The following KCNQ5 variants were observed in gnomAD, a reference collection of about 807,000 sequenced individuals.
KCNQ5 encodes potassium voltage-gated channel subfamily Q member 5.
In KCNQ5, 30 loss-of-function variants were observed where a neutral mutation model predicts 98.2. The ratio of observed to expected loss-of-function variants is 0.31; its 90% CI spans 0.23 to 0.41. The LOEUF is 0.41. KCNQ5 is among the 10% of genes least tolerant of loss of function. KCNQ5 has a pLI of 1.00. For missense variants in KCNQ5, 835 were observed against 1,182.5 expected, an observed-to-expected ratio of 0.71 and a Z score of 4.31; for synonymous variants, 458 against 449.4, an observed-to-expected ratio of 1.02 and a Z score of -0.24.
intron 1 of KCNQ5, among the ~76,000 whole-genome samples, chr6:72,664,342 A>G (rs1766681367): frequency 6.6e-6 from 1 of 152,216 alleles, no homozygotes; most frequent in Non-Finnish European, 1.5e-5. Context: ...TTAATGAAAT[A>G]TAATTTTAGT....
intron 3 of KCNQ5, among the ~76,000 whole-genome samples, chr6:73,046,906 G>A (rs372542597): frequency 1.3e-5 from 2 of 152,134 alleles, no homozygotes; most frequent in African/African-American, 4.8e-5. Flanking sequence ...GCGTCCCAAA[G>A]TGCTGGTATT....
intron 1 of KCNQ5, among the ~76,000 whole-genome samples, chr6:72,995,867 A>G (rs926499044): frequency 6.6e-6 from 1 of 152,270 alleles, no homozygotes; most frequent in Non-Finnish European, 1.5e-5. Context: ...TTTAAAAAAA[A>G]TGCAACTTTA....
intron 1 of KCNQ5, among the ~76,000 whole-genome samples, chr6:72,765,810 AT>A (rs1041086781): frequency 5.9e-5 from 9 of 152,148 alleles, no homozygotes; most frequent in African/African-American, 1.9e-4. Context: ...CTCTATGGTG[AT>A]TAGACTGTAG....
At chr6:72,678,871 T>G (rs1198153024) in intron 1 of KCNQ5, among the ~76,000 whole-genome samples, 1 of 152,112 alleles carries the variant, frequency 6.6e-6, no homozygotes, top group African/African-American at 2.4e-5. Flanking sequence ...TTCCAAAAAC[T>G]AAAATAAAAA....
At chr6:73,006,081 A>G (rs1769798920) in intron 2 of KCNQ5, among the ~76,000 whole-genome samples, 1 of 152,220 alleles carries the variant, frequency 6.6e-6, no homozygotes, top group Admixed American at 6.5e-5. Context: ...ATTTTTCACA[A>G]TGAGTTAACA....
intron 1 of KCNQ5, among the ~76,000 whole-genome samples, chr6:72,858,280 A>C (rs2150150042): frequency 6.6e-6 from 1 of 152,264 alleles, no homozygotes; most frequent in Non-Finnish European, 1.5e-5. Context: ...ATTTCTATGA[A>C]AATATATGTG....
chr6:72,722,849 CTTT>C (rs539617196), intron 1 of KCNQ5, among the ~76,000 whole-genome samples: 3 of 126,282 alleles, frequency 2.4e-5, no homozygotes, highest in Non-Finnish European at 1.6e-5. Context: ...GTTTGGTTGA[CTTT>C]TTTTTTTTTT....
chr6:72,917,994 G>T (rs982721652), intron 1 of KCNQ5, among the ~76,000 whole-genome samples: 1 of 152,094 alleles, frequency 6.6e-6, no homozygotes, highest in African/African-American at 2.4e-5. Flanking sequence ...CCCACTAGAC[G>T]CAATAGCACC....
At chr6:73,167,471 C>T (rs972153627) in intron 10 of KCNQ5, among the ~76,000 whole-genome samples, 2 of 152,190 alleles carry the variant, frequency 1.3e-5, no homozygotes, top group Admixed American at 6.5e-5. Flanking sequence ...TTACTAGCTC[C>T]GCTTGCCACC....
At chr6:73,060,286 TGG>T (rs1382790428) in intron 3 of KCNQ5, among the ~76,000 whole-genome samples, 2 of 152,142 alleles carry the variant, frequency 1.3e-5, no homozygotes, top group African/African-American at 4.8e-5. Flanking sequence ...CAACCCTGTG[TGG>T]CCAAAATATA....
chr6:72,826,968 C>T (rs1420956430), intron 1 of KCNQ5, among the ~76,000 whole-genome samples: 1 of 152,120 alleles, frequency 6.6e-6, no homozygotes, highest in Non-Finnish European at 1.5e-5. Context: ...TGGGTGAGAA[C>T]ATGTGGTGTT....
At chr6:73,136,489 A>C (rs1329866793) in intron 10 of KCNQ5, 1 of 152,224 alleles carries the variant, frequency 6.6e-6, no homozygotes, top group Non-Finnish European at 1.5e-5. Context: ...TCTATTTTCT[A>C]GGTCATTTCA....
chr6:72,875,006 A>G (rs1778354243), intron 1 of KCNQ5, among the ~76,000 whole-genome samples: 1 of 152,152 alleles, frequency 6.6e-6, no homozygotes, highest in African/African-American at 2.4e-5. Context: ...TTGCCTGAAA[A>G]TCCTACAGCA....
intron 5 of KCNQ5, among the ~76,000 whole-genome samples, chr6:73,096,351 A>AAG (rs1021267791): frequency 2.0e-5 from 3 of 151,486 alleles, no homozygotes; most frequent in Non-Finnish European, 4.4e-5. Context: ...AAAAAAAAAA[A>AAG]AAGAGCTTGG....
At chr6:72,927,273 A>C (rs1765470215) in intron 1 of KCNQ5, among the ~76,000 whole-genome samples, 1 of 152,180 alleles carries the variant, frequency 6.6e-6, no homozygotes, top group Non-Finnish European at 1.5e-5. Context: ...CCTTGGACTA[A>C]GTCCCACTGA....
chr6:73,071,758 A>G (rs1267370562), intron 3 of KCNQ5, among the ~76,000 whole-genome samples: 1 of 152,198 alleles, frequency 6.6e-6, no homozygotes, highest in African/African-American at 2.4e-5. Flanking sequence ...GCCATTCATG[A>G]GCGATCCTCC....
At chr6:72,789,033 A>T (rs1773897069) in intron 1 of KCNQ5, among the ~76,000 whole-genome samples, 1 of 152,160 alleles carries the variant, frequency 6.6e-6, no homozygotes, top group Non-Finnish European at 1.5e-5. Context: ...TCCAAACCAT[A>T]CTTTCTGATG....
intron 1 of KCNQ5, among the ~76,000 whole-genome samples, chr6:72,728,989 AT>A (rs1303818449): frequency 6.6e-6 from 1 of 152,108 alleles, no homozygotes; most frequent in Non-Finnish European, 1.5e-5. Flanking sequence ...TATTTTTCTT[AT>A]CTTTTTTTAC....
At chr6:73,050,285 A>G (rs1437886736) in intron 3 of KCNQ5, among the ~76,000 whole-genome samples, 1 of 126,304 alleles carries the variant, frequency 7.9e-6, no homozygotes. Context: ...GAAGGAAGGA[A>G]GGAAGGAAGG....
Sources: gnomAD v4.1 joint callset for allele counts (sites outside exome capture counted in the v4.1 genomes callset) on GRCh38, gnomAD v4.1.1 for gene constraint, MANE v1.5 for transcripts, NCBI Gene and HGNC (gene_info 2026-07-23, HGNC 2026-07-21) for gene names.